The following PDE7B variants were observed in gnomAD, a reference collection of about 807,000 sequenced individuals.
PDE7B encodes phosphodiesterase 7B.
PDE7B carries 29 observed loss-of-function variants against 56.2 expected under a neutral mutation model. The ratio of observed to expected loss-of-function variants is 0.52; its 90% CI spans 0.38 to 0.70. The LOEUF is 0.70. PDE7B is among the 30% of genes least tolerant of loss of function. The pLI, the probability that PDE7B is intolerant of heterozygous loss-of-function variation, is 0.00. For missense variants in PDE7B, 490 were observed against 565.0 expected (o/e 0.87, Z 1.35); for synonymous variants, 197 against 196.9 (o/e 1.00, Z 0.00).
chr6:136,018,960 T>C (rs1776024654), intron 2 of PDE7B, among the ~76,000 whole-genome samples: 1 of 151,868 alleles, frequency 6.6e-6, no homozygotes, highest in Admixed American at 6.6e-5. Flanking sequence ...GCTTCCCCCT[T>C]CCCTCTCTCC....
At chr6:136,154,941 C>A (rs1778580537) in intron 7 of PDE7B, among the ~76,000 whole-genome samples, 2 of 152,190 alleles carry the variant, frequency 1.3e-5, no homozygotes, top group African/African-American at 2.4e-5. Flanking sequence ...CAGGGCAAAG[C>A]TGGGTGGGTG....
chr6:136,038,255 A>G (rs1776360991), intron 2 of PDE7B: 1 of 1,299,916 alleles, frequency 7.7e-7, no homozygotes, highest in Admixed American at 2.3e-5. Flanking sequence ...CAGCACCACC[A>G]CCACCACTAC....
intron 2 of PDE7B, among the ~76,000 whole-genome samples, chr6:135,989,450 C>T (rs1031812497): frequency 1.3e-5 from 2 of 152,066 alleles, no homozygotes; most frequent in African/African-American, 4.8e-5. Flanking sequence ...CCTGTCTCTA[C>T]TAAAAATACA....
At chr6:136,185,561 C>A (rs1224336390) in intron 11 of PDE7B, among the ~76,000 whole-genome samples, 1 of 151,666 alleles carries the variant, frequency 6.6e-6, no homozygotes, top group Non-Finnish European at 1.5e-5. Context: ...TTGAGACCAG[C>A]CTAGGCAACG....
intron 2 of PDE7B, among the ~76,000 whole-genome samples, chr6:136,001,426 A>T (rs780506453): frequency 2.0e-5 from 3 of 152,222 alleles, no homozygotes; most frequent in Non-Finnish European, 4.4e-5. Flanking sequence ...AATTCAAACC[A>T]AAGGCAAAGA....
intron 2 of PDE7B, among the ~76,000 whole-genome samples, chr6:136,045,767 G>A (rs1352341967): frequency 6.6e-6 from 1 of 151,950 alleles, no homozygotes; most frequent in Non-Finnish European, 1.5e-5. Context: ...GAAATTGAAA[G>A]GTACAGGAGC....
chr6:135,868,033 TAA>T (rs1393864984), intron 1 of PDE7B, among the ~76,000 whole-genome samples: 3 of 152,234 alleles, frequency 2.0e-5, no homozygotes, highest in Admixed American at 6.5e-5. Flanking sequence ...AAAAAATTTA[TAA>T]GTCTGATAAA....
chr6:136,073,715 AG>A (rs1284691024), intron 2 of PDE7B, among the ~76,000 whole-genome samples: 2 of 152,320 alleles, frequency 1.3e-5, no homozygotes, highest in East Asian at 3.9e-4. Context: ...CGAATTTGGC[AG>A]GGGACACACT....
At chr6:135,949,803 A>C (rs575041594) in intron 2 of PDE7B, among the ~76,000 whole-genome samples, 1 of 152,260 alleles carries the variant, frequency 6.6e-6, no homozygotes, top group South Asian at 2.1e-4. Flanking sequence ...CAGGACACAT[A>C]GGAATAACAA....
chr6:135,961,567 G>T (rs1399010993), intron 2 of PDE7B, among the ~76,000 whole-genome samples: 2 of 152,022 alleles, frequency 1.3e-5, no homozygotes, highest in Non-Finnish European at 2.9e-5. Flanking sequence ...GTAATAAAAT[G>T]AGTAAATTTT....
rs74876359 is a variant in PDE7B, at chr6:135,971,410, C to T, written c.82+23886C>T. ...AGTTTATGGTGCTTTGTTACAGCAG[C>T]CCTAGCGTCCTAATATAGTAGCGGG... On this transcript the variant is annotated intron_variant, in intron 2 of 12. Transcript: ENST00000308191. 4.7e-3 allele frequency among the ~76,000 whole-genome samples: 709 copies of T among 152,208 alleles called. 2 individuals carry two copies. Among genetic ancestry groups the T allele is most frequent in the Non-Finnish European group, 7.7e-3 (526 of 68,014 alleles).
intron 1 of PDE7B, among the ~76,000 whole-genome samples, chr6:135,910,389 ATTGT>A (rs1386986483): frequency 3.3e-5 from 5 of 152,144 alleles, no homozygotes; most frequent in Admixed American, 6.5e-5. Context: ...CTACTCACTA[ATTGT>A]TTGTTTTTTG....
chr6:136,174,213 T>C (rs1778940534), intron 9 of PDE7B, among the ~76,000 whole-genome samples: 1 of 152,176 alleles, frequency 6.6e-6, no homozygotes, highest in South Asian at 2.1e-4. Context: ...AGCAAAATTG[T>C]CCTTCCATGT....
intron 2 of PDE7B, among the ~76,000 whole-genome samples, chr6:136,097,841 T>C (rs1777494684): frequency 6.6e-6 from 1 of 152,092 alleles, no homozygotes; most frequent in Non-Finnish European, 1.5e-5. Context: ...ATCTCTCCGA[T>C]AAGCCATCCT....
chr6:135,994,353 G>T (rs879929491), intron 2 of PDE7B, among the ~76,000 whole-genome samples: 1 of 151,918 alleles, frequency 6.6e-6, no homozygotes, highest in African/African-American at 2.4e-5. Flanking sequence ...ATTACTAGAG[G>T]TGAAAAAAAT....
At chr6:136,118,467 ATCT>A (rs1401716199) in intron 3 of PDE7B, among the ~76,000 whole-genome samples, 1 of 152,246 alleles carries the variant, frequency 6.6e-6, no homozygotes, top group Non-Finnish European at 1.5e-5. Context: ...TACAAATTAT[ATCT>A]ATGCTTTGCA....
At chr6:135,923,929 T>G (rs115779552) in intron 1 of PDE7B, among the ~76,000 whole-genome samples, 3,917 of 152,134 alleles carry the variant, frequency 0.026, 59 homozygotes, top group South Asian at 0.046. Context: ...GTAAAAGAAA[T>G]TCAGAGAAAT....
intron 2 of PDE7B, among the ~76,000 whole-genome samples, chr6:136,040,939 C>T (rs1245316194): frequency 6.6e-6 from 1 of 152,200 alleles, no homozygotes; most frequent in African/African-American, 2.4e-5. Flanking sequence ...TCTATTCCCT[C>T]CTCTTTGCTA....
At chr6:135,976,671 T>C (rs1424686626) in intron 2 of PDE7B, among the ~76,000 whole-genome samples, 1 of 152,176 alleles carries the variant, frequency 6.6e-6, no homozygotes, top group African/African-American at 2.4e-5. Context: ...CCAAGAAATG[T>C]CTCAGAGGCC....
Sources: allele counts gnomAD v4.1 joint callset (sites outside exome capture counted in the v4.1 genomes callset), GRCh38; gene constraint gnomAD v4.1.1; transcripts MANE v1.5; gene names NCBI Gene and HGNC (gene_info 2026-07-23, HGNC 2026-07-21).